The following NLRC5 variants were observed in gnomAD, a reference collection of about 807,000 sequenced individuals.
NLRC5 encodes protein NLRC5.
Under a neutral mutation model 206.9 loss-of-function variants are expected in NLRC5, and 114 were observed. The ratio of observed to expected loss-of-function variants is 0.55; its 90% CI spans 0.47 to 0.64. NLRC5 has a LOEUF of 0.64. Among genes scored for constraint, NLRC5 ranks in the 30% least tolerant of loss-of-function variants. The pLI is 0.00. For synonymous variants in NLRC5, 952 were observed against 962.8 expected (o/e 0.99, Z 0.21); for missense variants, 2,008 against 2,305.5 (o/e 0.87, Z 2.64).
chr16:57,078,488 T>C lies in NLRC5; in HGVS notation c.5081+468T>C, dbSNP rs1173260250. On this transcript the variant is annotated intron_variant, in intron 43 of 48. Coordinates refer to ENST00000688547, the MANE Select transcript of NLRC5 (RefSeq NM_001384950.1). ...CTTGTTTTTTTTTTTTTTTTTTTTT[T>C]TTAGATGGAGTCTCTCTCTGTCACC... 3.0e-4 allele frequency among the ~76,000 whole-genome samples: 43 copies of C among 145,142 alleles called. 1 individual carries two copies. The highest frequency in any genetic ancestry group is 2.5e-3 in the Admixed American group (36 of 14,682).
At chr16:57,040,819 G>A in intron 17 of NLRC5, 101 bp downstream of exon 17, 1 of 1,129,260 alleles carries the variant, frequency 8.9e-7, no homozygotes, top group Non-Finnish European at 1.3e-6. Context: ...CATGCTCCCT[G>A]AAGGACACCT....
intron 24 of NLRC5, among the ~76,000 whole-genome samples, chr16:57,054,115 C>T (rs1265447564): frequency 6.6e-6 from 1 of 152,104 alleles, no homozygotes; most frequent in Non-Finnish European, 1.5e-5. Context: ...TGGTTTCCAA[C>T]TGGGGGTGAT....
intron 30 of NLRC5, among the ~76,000 whole-genome samples, chr16:57,060,203 GGAT>G (rs1190522435): frequency 6.6e-6 from 1 of 151,600 alleles, no homozygotes; most frequent in Non-Finnish European, 1.5e-5. Context: ...GCCCCCAGAG[GGAT>G]CTTCACAACA....
intron 21 of NLRC5, 30 bp downstream of exon 21, chr16:57,045,522 T>TCC: frequency 1.2e-6 from 2 of 1,602,914 alleles, no homozygotes; most frequent in Non-Finnish European, 1.7e-6. Flanking sequence ...GGTGGGGGAG[T>TCC]CCCCTCCCGC....
intron 28 of NLRC5, 169 bp downstream of exon 28, chr16:57,058,317 T>C: frequency 1.6e-6 from 1 of 608,960 alleles, no homozygotes; most frequent in Non-Finnish European, 2.9e-6. Context: ...CCTTGGGTCC[T>C]TTCCTCTGTC....
At chr16:57,031,494 C>A in intron 11 of NLRC5, 31 bp downstream of exon 11, 2 of 1,611,306 alleles carry the variant, frequency 1.2e-6, no homozygotes, top group Non-Finnish European at 8.5e-7. Flanking sequence ...GGGCCTGGGG[C>A]CATCCTTAGA....
intron 38 of NLRC5, among the ~76,000 whole-genome samples, chr16:57,071,036 G>GC (rs1434084153): frequency 1.3e-5 from 1 of 77,996 alleles, no homozygotes; most frequent in African/African-American, 3.9e-5. Context: ...TAATGGGGAA[G>GC]GGGGTGAGTG....
intron 32 of NLRC5, among the ~76,000 whole-genome samples, chr16:57,063,522 T>A (rs1297653130): frequency 1.3e-5 from 2 of 152,202 alleles, no homozygotes; most frequent in African/African-American, 4.8e-5. Flanking sequence ...AAGTGCCCAA[T>A]TGACAGTCCC....
chr16:57,022,430 G>A (rs1463060190), intron 4 of NLRC5, 115 bp downstream of exon 4: 3 of 899,210 alleles, frequency 3.3e-6, no homozygotes, highest in South Asian at 1.5e-5. Flanking sequence ...TTTCTCATAG[G>A]CCATGCTCTT....
At chr16:57,074,443 TC>T in intron 38 of NLRC5, 156 bp from the exon 39 acceptor site, 1 of 687,814 alleles carries the variant, frequency 1.5e-6, no homozygotes, top group Non-Finnish European at 2.7e-6. Flanking sequence ...CATTTGGACC[TC>T]CCAGTACAGT....
In NLRC5 at chr16:57,054,913, T is replaced by C. The variant is rs1395543672; in HGVS notation, c.3596+73T>C. ...CTGGAGTCTGGTGGGTATGAGGGGG[T>C]AGGATGAAGACAGTAGGACCCAACT... On this transcript the variant is annotated intron_variant, in intron 25 of 48. Coordinates refer to ENST00000688547, the MANE Select transcript of NLRC5 (RefSeq NM_001384950.1). The C allele has an allele frequency of 3.5e-5, 56 of 1,580,328 alleles. No homozygotes were observed. The South Asian group carries it at 5.9e-4, about 17-fold the overall frequency.
chr16:57,031,937 G>C (rs1439675616), intron 11 of NLRC5, among the ~76,000 whole-genome samples: 1 of 151,748 alleles, frequency 6.6e-6, no homozygotes, highest in Non-Finnish European at 1.5e-5. Flanking sequence ...TTCCAGCTTG[G>C]CCAGTCTTGG....
chr16:56,993,185 G>C (rs555410078), intron 1 of NLRC5, among the ~76,000 whole-genome samples: 2 of 113,718 alleles, frequency 1.8e-5, no homozygotes, highest in Non-Finnish European at 4.1e-5. Context: ...ACACACATGT[G>C]TACTTTTCCC....
intron 34 of NLRC5, 63 bp from the exon 35 acceptor site, chr16:57,067,324 G>A: frequency 1.5e-6 from 2 of 1,329,800 alleles, no homozygotes; most frequent in Non-Finnish European, 2.2e-6. Context: ...CTTGCAGGCA[G>A]ATACTGAATC....
intron 28 of NLRC5, chr16:57,058,438 A>C: frequency 2.2e-6 from 1 of 448,398 alleles, no homozygotes; most frequent in African/African-American, 2.0e-5. Flanking sequence ...GGGAAGCAAC[A>C]TTCCATCCCC....
chr16:57,000,056 G>A (rs190421748), intron 1 of NLRC5, among the ~76,000 whole-genome samples: 24 of 152,314 alleles, frequency 1.6e-4, no homozygotes, highest in Admixed American at 1.0e-3. Context: ...AGGTGATGCC[G>A]TCGTGCAGAC....
intron 15 of NLRC5, among the ~76,000 whole-genome samples, chr16:57,039,074 T>C (rs1357500068): frequency 6.6e-6 from 1 of 152,178 alleles, no homozygotes; most frequent in Non-Finnish European, 1.5e-5. Context: ...GAATCTATAG[T>C]TTAATCCCAT....
At position 57,076,868 on chromosome 16, in the gene NLRC5, GCT is replaced by G. The variant is rs2068468741; in HGVS notation, c.4805_4806del (p.Leu1602GlnfsTer43). ...GDVGCCHLSE[A>X]LRAATSLEEL... ...TGTCGGTTGCTGCCACCTTTCTGAG[GCT>G]CTCAGGGCTGCCACCAGCCTAGAGG... On this transcript the variant is annotated frameshift_variant, in exon 40 of 49. Coordinates refer to ENST00000688547, the MANE Select transcript of NLRC5 (RefSeq NM_001384950.1). LOFTEE classifies it high-confidence loss of function. 6.2e-7 allele frequency: 1 copy of G among 1,613,934 alleles called. No homozygotes were observed. Among genetic ancestry groups the G allele is most frequent in the South Asian group, 1.1e-5 (1 of 91,092 alleles).
At chr16:57,020,639 C>A in intron 2 of NLRC5, 62 bp from the exon 3 acceptor site, 1 of 1,045,158 alleles carries the variant, frequency 9.6e-7, no homozygotes, top group Non-Finnish European at 1.3e-6. Context: ...CCCTGTCCCT[C>A]AGCTCATCTG....
Sources: allele counts gnomAD v4.1 joint callset (sites outside exome capture counted in the v4.1 genomes callset), GRCh38; gene constraint gnomAD v4.1.1; transcripts MANE v1.5; gene names NCBI Gene and HGNC (gene_info 2026-07-23, HGNC 2026-07-21).